Variants in VAV2 observed in about 807,000 individuals in gnomAD.
VAV2 encodes the protein vav guanine nucleotide exchange factor 2, also known as guanine nucleotide exchange factor VAV2.
A neutral mutation model predicts 132.5 loss-of-function variants in VAV2; 67 were observed. The observed-to-expected ratio is 0.51, with a 90% CI of 0.42 to 0.62. The LOEUF is 0.62. Among genes scored for constraint, VAV2 ranks in the 20% least tolerant of loss-of-function variants. VAV2 has a pLI of 0.00. For missense variants in VAV2, 938 were observed against 1,153.6 expected (o/e 0.81, Z 2.71); for synonymous variants, 492 against 443.5 (o/e 1.11, Z -1.37).
At chr9:133,858,607 A>G (rs1406829375) in intron 3 of VAV2, among the ~76,000 whole-genome samples, 1 of 152,172 alleles carries the variant, frequency 6.6e-6, no homozygotes, top group Non-Finnish European at 1.5e-5. Context: ...TGCTACTGTC[A>G]CTGAGTGTGT....
chr9:133,818,365 C>CAA (rs34171114), intron 4 of VAV2, among the ~76,000 whole-genome samples: 26 of 99,660 alleles, frequency 2.6e-4, no homozygotes, highest in Non-Finnish European at 3.8e-4. Flanking sequence ...GACTCCATCT[C>CAA]AAAAAAAAAA....
At chr9:133,814,988 C>T (rs1160486715) in intron 4 of VAV2, among the ~76,000 whole-genome samples, 4 of 152,124 alleles carry the variant, frequency 2.6e-5, no homozygotes, top group Admixed American at 6.5e-5. Context: ...AAGGCCTGAA[C>T]GTATTCCGGG....
At chr9:133,845,152 T>C (rs1041302570) in intron 3 of VAV2, among the ~76,000 whole-genome samples, 4 of 152,168 alleles carry the variant, frequency 2.6e-5, no homozygotes, top group Non-Finnish European at 5.9e-5. Flanking sequence ...TGGGCAGTTT[T>C]GGGTGGGCGG....
intron 2 of VAV2, among the ~76,000 whole-genome samples, chr9:133,886,364 AGGGAGGT>A (rs1233376028): frequency 6.6e-6 from 1 of 152,214 alleles, no homozygotes; most frequent in African/African-American, 2.4e-5. Flanking sequence ...ACCCTGCCAC[AGGGAGGT>A]CCTTTATAAT....
chr9:133,933,998 AGATG>A (rs1202265462), intron 2 of VAV2, among the ~76,000 whole-genome samples: 7 of 111,460 alleles, frequency 6.3e-5, no homozygotes, highest in African/African-American at 1.8e-4. Context: ...ATGGGTGGGT[AGATG>A]GATGGATGGA....
At chr9:133,899,857 T>G (rs1345865379) in intron 2 of VAV2, among the ~76,000 whole-genome samples, 3 of 150,964 alleles carry the variant, frequency 2.0e-5, no homozygotes, top group Non-Finnish European at 4.4e-5. Flanking sequence ...CCATCTCTAC[T>G]AAAAGTACAA....
intron 2 of VAV2, among the ~76,000 whole-genome samples, chr9:133,920,942 G>A (rs902703113): frequency 4.6e-5 from 7 of 152,360 alleles, no homozygotes; most frequent in African/African-American, 1.4e-4. Context: ...AGTGCCCTCC[G>A]TGGGGGGCCC....
At chr9:133,800,373 G>C (rs1834883099) in intron 9 of VAV2, among the ~76,000 whole-genome samples, 1 of 152,250 alleles carries the variant, frequency 6.6e-6, no homozygotes, top group Non-Finnish European at 1.5e-5. Flanking sequence ...ACCGCCTGGA[G>C]GCGGGAGGAC....
In VAV2 at chr9:133,861,275, G is replaced by A. The variant is rs1837582967; in HGVS notation, c.380+99C>T. 8 of 1,323,788 alleles carry A rather than the reference G, an allele frequency of 6.0e-6. No homozygotes were observed. The South Asian group carries it at 8.8e-5, about 15-fold the overall frequency. The allele number at this position is 1,323,788 out of a possible 1,614,324, so 82.0% of individuals were successfully genotyped here. ...CAAATGCATGATAAAGACACAGGCA[G>A]AGGGCATCTGCTTCCAACCCCAGTA... On this transcript the variant is annotated intron_variant, in intron 3 of 29. Coordinates refer to ENST00000371850, the MANE Select transcript of VAV2 (RefSeq NM_001134398.2).
chr9:133,904,209 A>G (rs1839554558), intron 2 of VAV2, among the ~76,000 whole-genome samples: 1 of 152,168 alleles, frequency 6.6e-6, no homozygotes, highest in Admixed American at 6.5e-5. Flanking sequence ...AGAGCTCCGC[A>G]TTCTAAAGGG....
chr9:133,836,465 A>C (rs1400686704), intron 3 of VAV2, among the ~76,000 whole-genome samples: 2 of 152,242 alleles, frequency 1.3e-5, no homozygotes, highest in African/African-American at 4.8e-5. Context: ...TTCCATAATA[A>C]AGAAAAATAG....
chr9:133,832,193 C>A (rs1010076490), intron 4 of VAV2, among the ~76,000 whole-genome samples: 2 of 152,182 alleles, frequency 1.3e-5, no homozygotes, highest in South Asian at 2.1e-4. Flanking sequence ...CACCGTGCAC[C>A]CCTTGGGCAG....
At position 133,926,903 on chromosome 9, in the gene VAV2, G is replaced by T. The variant is rs1366204813; in HGVS notation, c.321+12200C>A. Among the ~76,000 whole-genome samples the T allele has an allele frequency of 1.3e-5, 2 of 152,164 alleles. No homozygotes were observed. Among genetic ancestry groups the T allele is most frequent in the African/African-American group, 4.8e-5 (2 of 41,426 alleles). On this transcript the variant is annotated intron_variant, in intron 2 of 29. Coordinates refer to ENST00000371850, the MANE Select transcript of VAV2 (RefSeq NM_001134398.2). This position sits in a 1 kb window ranked among gnomAD's most constrained non-coding sequence, Gnocchi z 4.3. ...CAACAGCCCCACTGTGGAGGGATGG[G>T]GAGGCCCAGCACCAGCCCTGGCCAC...
At chr9:133,987,066 G>A (rs761474980) in intron 1 of VAV2, among the ~76,000 whole-genome samples, 4 of 151,590 alleles carry the variant, frequency 2.6e-5, no homozygotes, top group Non-Finnish European at 5.9e-5. Context: ...CTCGAATGAA[G>A]GCACAAGGTT....
At chr9:133,807,903 G>A (rs944132672) in intron 7 of VAV2, among the ~76,000 whole-genome samples, 1 of 152,146 alleles carries the variant, frequency 6.6e-6, no homozygotes, top group Non-Finnish European at 1.5e-5. Flanking sequence ...CTGGAGGCCC[G>A]GCCACCCTCT....
At position 133,776,077 on chromosome 9, in the gene VAV2, G is replaced by C. The variant is rs1372412547; in HGVS notation, c.1969C>G (p.Pro657Ala). 1 of 1,612,990 alleles carries C rather than the reference G, an allele frequency of 6.2e-7. No homozygotes were observed. Among genetic ancestry groups the C allele is most frequent in the Non-Finnish European group, 8.5e-7 (1 of 1,179,784 alleles). The change falls in exon 24 of 30, where the codon CCC (proline) becomes GCC (alanine). Residue 657 changes from proline (P) to alanine (A), a missense_variant. Coordinates refer to ENST00000371850, the MANE Select transcript of VAV2 (RefSeq NM_001134398.2). ...VKPCPVDGRP[P>A]ISRPPSREID... ...TCCCGGGATGGCGGCCGGCTGATGG[G>C]CGGCTGGTGGCAGAGCACAAGAGTG... is the stretch of plus-strand genomic sequence containing the variant.
In VAV2 at chr9:133,914,487, A is replaced by G. The variant is rs75458676; in HGVS notation, c.321+24616T>C. Among the ~76,000 whole-genome samples the G allele has an allele frequency of 5.6e-3, 818 of 145,218 alleles. 7 individuals carry two copies. The highest frequency in any genetic ancestry group is 0.019 in the African/African-American group (769 of 39,582). The stretch of plus-strand genomic sequence containing the variant: ...AGTGAGCCTGGAGGACACCACACTC[A>G]GGGGAAGATGCAGACTCAAAGGGCG... On this transcript the variant is annotated intron_variant, in intron 2 of 29. Transcript: ENST00000371850.
At chr9:133,878,656 C>T (rs749731286) in intron 2 of VAV2, among the ~76,000 whole-genome samples, 8 of 152,228 alleles carry the variant, frequency 5.3e-5, no homozygotes, top group Non-Finnish European at 1.2e-4. Context: ...GCCATCCCTG[C>T]TGACCCCACC....
chr9:133,923,368 T>C (rs1840363066), intron 2 of VAV2, among the ~76,000 whole-genome samples: 1 of 152,108 alleles, frequency 6.6e-6, no homozygotes, highest in African/African-American at 2.4e-5. Context: ...TTCAAAGCAA[T>C]GCAGCCAACA....
Sources: gnomAD v4.1 joint callset for allele counts (sites outside exome capture counted in the v4.1 genomes callset) on GRCh38, gnomAD v4.1.1 for gene constraint, Gnocchi (gnomAD v3.1) non-coding constraint, MANE v1.5 for transcripts, NCBI Gene and HGNC (gene_info 2026-07-23, HGNC 2026-07-21) for gene names.